Variants in CYP2U1 observed in about 807,000 individuals in gnomAD.
CYP2U1 encodes cytochrome P450 2U1.
Under a neutral mutation model 42.8 loss-of-function variants are expected in CYP2U1, and 28 were observed. The observed-to-expected ratio is 0.65, with a 90% CI of 0.48 to 0.90. The LOEUF is 0.90. Ranked by LOEUF, CYP2U1 falls within the 40% of genes least tolerant of loss-of-function variation. The pLI, the probability that CYP2U1 is intolerant of heterozygous loss-of-function variation, is 0.00. For synonymous variants in CYP2U1, 296 were observed against 278.9 expected, an observed-to-expected ratio of 1.06 and a Z score of -0.61; for missense variants, 642 against 693.8, an observed-to-expected ratio of 0.93 and a Z score of 0.84.
chr4:107,936,824 G>A (rs1467858748), intron 1 of CYP2U1, among the ~76,000 whole-genome samples: 2 of 152,140 alleles, frequency 1.3e-5, no homozygotes, highest in African/African-American at 2.4e-5. Context: ...ACTTGCCTAT[G>A]TTGGATACTT....
At chr4:107,945,884 T>G (rs904922755) in intron 2 of CYP2U1, among the ~76,000 whole-genome samples, 1 of 152,242 alleles carries the variant, frequency 6.6e-6, no homozygotes, top group Non-Finnish European at 1.5e-5. Context: ...AAGAACATTC[T>G]AGAGCTGAAG....
rs79121765 is a variant in CYP2U1 at position 107,943,474 on chromosome 4, A to G, written c.491-1496A>G. On this transcript the variant is annotated intron_variant, in intron 1 of 4. Coordinates refer to ENST00000332884, the MANE Select transcript of CYP2U1 (RefSeq NM_183075.3). ...AGGATGTGCTTCAGCAAAATGGGGG[A>G]GTAAAACAAAGAGGAAGAAATATAA... Among the ~76,000 whole-genome samples the G allele has an allele frequency of 6.9e-3, 1,053 of 152,326 alleles. 12 individuals carry two copies. Among genetic ancestry groups the G allele is most frequent in the African/African-American group, 0.024 (983 of 41,566 alleles).
At chr4:107,932,264 T>C in intron 1 of CYP2U1, 131 bp downstream of exon 1, 1 of 1,402,182 alleles carries the variant, frequency 7.1e-7, no homozygotes, top group East Asian at 2.5e-5. Context: ...CATCCTGAAC[T>C]AACAGGTGAT....
chr4:107,952,022 T>C lies in CYP2U1; in HGVS notation c.*1599T>C, dbSNP rs1733927639. On this transcript the variant is annotated 3_prime_UTR_variant, in exon 5 of 5. Transcript: ENST00000332884. Reference sequence around the variant, plus strand: ...CATAACAGGCTACCCCTTGGCCTCATGCTGGAGTTGTGTGTGTCTGTCTTC... The same window carrying C: ...CATAACAGGCTACCCCTTGGCCTCACGCTGGAGTTGTGTGTGTCTGTCTTC... 6.6e-6 allele frequency: 1 copy of C among 152,338 alleles called. No individual in the cohort carries two copies. Among genetic ancestry groups the C allele is most frequent in the African/African-American group, 2.4e-5 (1 of 41,452 alleles). The allele number at this position is 152,338 out of a possible 1,614,324, so 9.4% of individuals were successfully genotyped here.
rs1733662098 is a variant in CYP2U1, at chr4:107,945,397, A to G, written c.918A>G (p.Gln306=). 3 of 1,614,086 alleles carry G rather than the reference A, an allele frequency of 1.9e-6. No individual in the cohort carries two copies. Among genetic ancestry groups the G allele is most frequent in the Non-Finnish European group, 2.5e-6 (3 of 1,180,006 alleles). The change falls in exon 2 of 5, where the codon CAA becomes CAG. Residue 306 remains glutamine (Q), a synonymous_variant. Transcript: ENST00000332884. ...SFLKKIIKDH[Q]ESLDRENPQD... is the part of the protein sequence containing the mutation. ...TTAAAAAAATCATCAAAGACCATCAAGAGTCTCTGGATAGAGAGAACCCTC... is the reference window on the plus strand; with the variant it reads ...TTAAAAAAATCATCAAAGACCATCAGGAGTCTCTGGATAGAGAGAACCCTC...
chr4:107,933,008 G>A (rs940888589), intron 1 of CYP2U1, among the ~76,000 whole-genome samples: 1 of 152,316 alleles, frequency 6.6e-6, no homozygotes, highest in Middle Eastern at 3.4e-3. Context: ...CAGAGTCATT[G>A]CTGTCTGAAA....
intron 3 of CYP2U1, among the ~76,000 whole-genome samples, chr4:107,947,946 A>G (rs1733759744): frequency 6.6e-6 from 1 of 152,188 alleles, no homozygotes; most frequent in African/African-American, 2.4e-5. Context: ...TTCAACTTTT[A>G]AAATTCTGCA....
intron 1 of CYP2U1, among the ~76,000 whole-genome samples, chr4:107,944,404 G>A (rs1302438230): frequency 2.0e-5 from 3 of 152,030 alleles, no homozygotes; most frequent in Non-Finnish European, 4.4e-5. Flanking sequence ...CTGGGCTCAA[G>A]TGATTCTCCG....
At chr4:107,946,144 A>G (rs1229567131) in intron 2 of CYP2U1, among the ~76,000 whole-genome samples, 6 of 152,354 alleles carry the variant, frequency 3.9e-5, no homozygotes, top group East Asian at 3.9e-4. Flanking sequence ...TTAGAGTTCT[A>G]TACATTCTAA....
chr4:107,942,854 T>C (rs1733547211), intron 1 of CYP2U1, among the ~76,000 whole-genome samples: 1 of 151,922 alleles, frequency 6.6e-6, no homozygotes, highest in Admixed American at 6.6e-5. Flanking sequence ...TACAAGAAAA[T>C]AGAGAATGTG....
chr4:107,932,537 G>T (rs1252030713), intron 1 of CYP2U1, among the ~76,000 whole-genome samples: 1 of 152,152 alleles, frequency 6.6e-6, no homozygotes, highest in African/African-American at 2.4e-5. Flanking sequence ...TACCTTGTGG[G>T]TTTCGAATGT....
rs149002033 is a variant in CYP2U1 at position 107,947,454 on chromosome 4, A to T, written c.1205A>T (p.Tyr402Phe). ...CTCACAGACAAGGCCCAGATGCCCTACACAGAAGCCACCATCATGGAAGTG... is the reference window on the plus strand; with the variant it reads ...CTCACAGACAAGGCCCAGATGCCCTTCACAGAAGCCACCATCATGGAAGTG... ...PSLTDKAQMP[Y>F]TEATIMEVQR... is the part of the protein sequence containing the mutation. The change falls in exon 3 of 5, where the codon TAC becomes TTC. Residue 402 changes from tyrosine (Y) to phenylalanine (F), a missense_variant. Coordinates refer to ENST00000332884, the MANE Select transcript of CYP2U1 (RefSeq NM_183075.3). 1.9e-6 allele frequency: 3 copies of T among 1,614,030 alleles called. No homozygotes were observed. Among genetic ancestry groups the T allele is most frequent in the Non-Finnish European group, 2.5e-6 (3 of 1,180,016 alleles).
At chr4:107,932,215 C>T (rs1351030510) in intron 1 of CYP2U1, 82 bp downstream of exon 1, 49 of 1,480,032 alleles carry the variant, frequency 3.3e-5, no homozygotes, top group Non-Finnish European at 4.2e-5. Flanking sequence ...TTCCTGTGCC[C>T]CTTCCGGCCG....
At chr4:107,947,574 G>T (rs775245820) in intron 3 of CYP2U1, 37 bp downstream of exon 3, 1 of 1,608,284 alleles carries the variant, frequency 6.2e-7, no homozygotes, top group Non-Finnish European at 8.5e-7. Flanking sequence ...TGCCCTTGAC[G>T]GAAGCAGGGC....
At chr4:107,938,328 G>A (rs185867100) in intron 1 of CYP2U1, 1 of 152,212 alleles carries the variant, frequency 6.6e-6, no homozygotes, top group African/African-American at 2.4e-5. Flanking sequence ...GCATGGCATA[G>A]TTAGAAACCT....
rs1038198482 is a variant in CYP2U1 at position 107,950,573 on chromosome 4, G to A, written c.*150G>A. ...GAAGGAGGGTAGAGCACACTGGGAG[G>A]TTTCATCTTGGAGGATTCCTCAGCA... On this transcript the variant is annotated 3_prime_UTR_variant, in exon 5 of 5. Transcript: ENST00000332884. The A allele has an allele frequency of 1.4e-6, 1 of 714,892 alleles. No homozygotes were observed. Among genetic ancestry groups the A allele is most frequent in the African/African-American group, 1.8e-5 (1 of 55,766 alleles). 44.3% of individuals were successfully genotyped at this position (714,892 alleles called of 1,614,324 possible). A position where few individuals can be genotyped will look rare whatever the true frequency, so the allele number is the denominator to read the frequency against.
chr4:107,933,545 T>C (rs1408729409), intron 1 of CYP2U1, among the ~76,000 whole-genome samples: 1 of 152,184 alleles, frequency 6.6e-6, no homozygotes. Flanking sequence ...AGATAATGTC[T>C]TAGTGTTCAT....
At position 107,952,432 on chromosome 4, in the gene CYP2U1, G is replaced by A. The variant is rs886752696; in HGVS notation, c.*2009G>A. On this transcript the variant is annotated 3_prime_UTR_variant, in exon 5 of 5. Coordinates refer to ENST00000332884, the MANE Select transcript of CYP2U1 (RefSeq NM_183075.3). The stretch of plus-strand genomic sequence containing the variant: ...CTGACTTTCCTAAAGGAGAGAAGCA[G>A]CTACGCTGTTCATACTGATAGAGAA... The A allele has an allele frequency of 5.9e-5, 9 of 152,272 alleles. No homozygotes were observed. Among genetic ancestry groups the A allele is most frequent in the African/African-American group, 2.2e-4 (9 of 41,470 alleles). 9.4% of individuals were successfully genotyped at this position (152,272 alleles called of 1,614,324 possible).
chr4:107,935,054 G>A (rs1167443372), intron 1 of CYP2U1, among the ~76,000 whole-genome samples: 3 of 152,156 alleles, frequency 2.0e-5, no homozygotes, highest in East Asian at 3.9e-4. Flanking sequence ...GAATGAATTC[G>A]TGCATACAAG....
Sources: gnomAD v4.1 joint callset for allele counts (sites outside exome capture counted in the v4.1 genomes callset) on GRCh38, gnomAD v4.1.1 for gene constraint, MANE v1.5 for transcripts, NCBI Gene and HGNC (gene_info 2026-07-23, HGNC 2026-07-21) for gene names.